The following PFKFB3 variants were observed in gnomAD, a reference collection of about 807,000 sequenced individuals.
PFKFB3 encodes the protein 6-phosphofructo-2-kinase/fructose-2,6-biphosphatase 3.
PFKFB3 carries 33 observed loss-of-function variants against 68.0 expected under a neutral mutation model. The ratio of observed to expected loss-of-function variants is 0.49; its 90% CI spans 0.37 to 0.65. The LOEUF is 0.65. Ranked by LOEUF, PFKFB3 falls within the 30% of genes least tolerant of loss-of-function variation. PFKFB3 has a pLI of 0.00. For missense variants in PFKFB3, 586 were observed against 712.2 expected (o/e 0.82, Z 2.02); for synonymous variants, 315 against 288.2 (o/e 1.09, Z -0.94).
chr10:6,224,177 C>A lies in PFKFB3; in HGVS notation c.1305C>A (p.Asn435Lys), dbSNP rs140195872. ...YGCRVESIYL[N>K]VESVCTHRER... ...GCCGTGTGGAATCCATCTACCTGAA[C>A]GTGGAGTCCGTCTGCACACACCGGG... The change falls in exon 13 of 15, where the codon AAC (asparagine) becomes AAA (lysine). Residue 435 changes from asparagine (N) to lysine (K), a missense_variant. Asn to Lys is a moderately conservative substitution (Grantham distance 94). Coordinates refer to ENST00000379775, the MANE Select transcript of PFKFB3 (RefSeq NM_004566.4). 6.2e-7 allele frequency: 1 copy of A among 1,613,978 alleles called. No homozygotes were observed. Among genetic ancestry groups the A allele is most frequent in the African/African-American group, 1.3e-5 (1 of 74,904 alleles).
intron 1 of PFKFB3, among the ~76,000 whole-genome samples, chr10:6,162,483 CTATT>C (rs1841999057): frequency 6.6e-6 from 1 of 152,128 alleles, no homozygotes; most frequent in Non-Finnish European, 1.5e-5. Flanking sequence ...CGTAAAATGG[CTATT>C]TACCATTTTT....
intron 1 of PFKFB3, among the ~76,000 whole-genome samples, chr10:6,178,531 G>C (rs1842600494): frequency 6.7e-6 from 1 of 148,774 alleles, no homozygotes; most frequent in Admixed American, 6.7e-5. Context: ...GTCACAACAG[G>C]GAGGTGAAGC....
chr10:6,205,754 T>C, intron 1 of PFKFB3, among the ~76,000 whole-genome samples: 1 of 151,714 alleles, frequency 6.6e-6, no homozygotes, highest in East Asian at 1.9e-4. Flanking sequence ...TCATTGGAGG[T>C]CTGCAGCAGA....
In PFKFB3 at chr10:6,203,151, C is replaced by T; in HGVS notation, c.-110C>T. The T allele has an allele frequency of 1.3e-6, 2 of 1,504,190 alleles. No homozygotes were observed. Among genetic ancestry groups the T allele is most frequent in the East Asian group, 2.6e-5 (1 of 38,858 alleles). The allele number at this position is 1,504,190 out of a possible 1,614,324, so 93.2% of individuals were successfully genotyped here. On this transcript the variant is annotated 5_prime_UTR_variant, in exon 1 of 15. Coordinates refer to ENST00000379775, the MANE Select transcript of PFKFB3 (RefSeq NM_004566.4). Reference sequence around the variant, plus strand: ...GCAGCGCAGGAAACGCCCGGCCGCGCGCCGGCGCACGCCCCCCTCTCCTCC... The same window carrying T: ...GCAGCGCAGGAAACGCCCGGCCGCGTGCCGGCGCACGCCCCCCTCTCCTCC...
rs778409661 is a variant in PFKFB3 at position 6,226,329 on chromosome 10, C to A, written c.1479C>A (p.Cys493Ter). 1 of 1,613,788 alleles carries A rather than the reference C, an allele frequency of 6.2e-7. No individual in the cohort carries two copies. Among genetic ancestry groups the A allele is most frequent in the Non-Finnish European group, 8.5e-7 (1 of 1,179,910 alleles). Residue 493 changes from cysteine (C) to a stop codon, truncating the protein, a stop_gained, in exon 14 of 15, where the codon TGC becomes TGA. Transcript: ENST00000379775. LOFTEE classifies it high-confidence loss of function. The part of the protein sequence containing the change: ...VASTSAALPS[C>*]LPPEVPTQLP... ...CCACCTCGGCCGCCCTGCCCAGCTG[C>A]CTGCCCCCGGAGGTGCCCACGCAGC...
At chr10:6,256,504 G>A (rs1028093535), downstream of PFKFB3, among the ~76,000 whole-genome samples, 5 of 152,204 alleles carry the variant, frequency 3.3e-5, no homozygotes, top group African/African-American at 9.7e-5. Context: ...GGTCTGCAGC[G>A]CCTTCTTCGC....
intron 1 of PFKFB3, among the ~76,000 whole-genome samples, chr10:6,149,434 A>G (rs1841503530): frequency 6.6e-6 from 1 of 151,886 alleles, no homozygotes; most frequent in Non-Finnish European, 1.5e-5. Flanking sequence ...TAAAAATCCA[A>G]AAATTAGCCA....
At chr10:6,250,591 T>C (rs923100539) in intron 14 of PFKFB3, among the ~76,000 whole-genome samples, 2 of 132,656 alleles carry the variant, frequency 1.5e-5, no homozygotes, top group East Asian at 4.3e-4. Flanking sequence ...AAAAAAGAGG[T>C]GGGGTCTTTG....
chr10:6,255,137 TTC>T (rs200222415), downstream of PFKFB3, among the ~76,000 whole-genome samples: 142 of 149,214 alleles, frequency 9.5e-4, no homozygotes, highest in Admixed American at 5.1e-3. Context: ...TCTTTTCTTC[TTC>T]TTTTTTTTTT....
chr10:6,242,151 G>A (rs1201954409), intron 14 of PFKFB3, among the ~76,000 whole-genome samples: 5 of 152,040 alleles, frequency 3.3e-5, no homozygotes, highest in African/African-American at 9.7e-5. Flanking sequence ...GCCCTTATTC[G>A]TGAGTTTCAA....
intron 1 of PFKFB3, among the ~76,000 whole-genome samples, chr10:6,189,116 GGCGTGAGCCACC>G (rs1486161422): frequency 1.3e-5 from 2 of 152,168 alleles, no homozygotes; most frequent in Non-Finnish European, 2.9e-5. Flanking sequence ...TGGGATTACA[GGCGTGAGCCACC>G]GCACCTGGCG....
At chr10:6,290,073 G>T in the PFKFB3 span, among the ~76,000 whole-genome samples, 3 of 152,290 alleles carry the variant, frequency 2.0e-5, no homozygotes, top group East Asian at 3.9e-4. Context: ...AGACTTTGCT[G>T]AAGTTGCTTA....
chr10:6,158,978 C>T (rs1267210829), intron 1 of PFKFB3, among the ~76,000 whole-genome samples: 1 of 152,126 alleles, frequency 6.6e-6, no homozygotes, highest in Non-Finnish European at 1.5e-5. Context: ...AAAACCTTTA[C>T]ACAGCACAAA....
chr10:6,212,374 T>A (rs946295472), intron 1 of PFKFB3, among the ~76,000 whole-genome samples: 1 of 152,180 alleles, frequency 6.6e-6, no homozygotes, highest in African/African-American at 2.4e-5. Context: ...TGTTTTGTCT[T>A]ACTGAGATGC....
At chr10:6,184,250 G>A (rs1170366777) in intron 1 of PFKFB3, among the ~76,000 whole-genome samples, 4 of 151,306 alleles carry the variant, frequency 2.6e-5, no homozygotes, top group African/African-American at 7.3e-5. Context: ...ACGGGGTTTC[G>A]CCATGTTGTC....
the PFKFB3 span, chr10:6,294,247 G>A: frequency 1.9e-6 from 1 of 529,942 alleles, no homozygotes; most frequent in African/African-American, 1.9e-5. Context: ...GGGTTGGCAG[G>A]GTTTGCAGCA....
chr10:6,257,152 C>T (rs1050529482), downstream of PFKFB3, among the ~76,000 whole-genome samples: 8 of 152,050 alleles, frequency 5.3e-5, no homozygotes, highest in Admixed American at 1.3e-4. Flanking sequence ...TGGGGCCATC[C>T]GAGGAGTTGG....
the PFKFB3 span, among the ~76,000 whole-genome samples, chr10:6,283,733 G>A: frequency 1.3e-5 from 2 of 152,160 alleles, no homozygotes; most frequent in African/African-American, 4.8e-5. Flanking sequence ...TTCAAGTAAC[G>A]TGAGCATGCC....
At chr10:6,216,644 T>TGG in intron 4 of PFKFB3, 62 bp from the exon 5 acceptor site, 1 of 1,138,250 alleles carries the variant, frequency 8.8e-7, no homozygotes, top group Admixed American at 1.7e-5. Flanking sequence ...TTTGCTGTTC[T>TGG]GGTAAACGTT....
Sources: gnomAD v4.1 joint callset for allele counts (sites outside exome capture counted in the v4.1 genomes callset) on GRCh38, gnomAD v4.1.1 for gene constraint, MANE v1.5 for transcripts, NCBI Gene and HGNC (gene_info 2026-07-23, HGNC 2026-07-21) for gene names.